The following CCDC146 variants were observed in gnomAD, a reference collection of about 807,000 sequenced individuals.
The protein encoded by CCDC146 is coiled-coil domain-containing protein 146.
In CCDC146, 92 loss-of-function variants were observed where a neutral mutation model predicts 119.3. The observed-to-expected ratio is 0.77, with a 90% CI of 0.65 to 0.92. The LOEUF (loss-of-function observed/expected upper bound fraction) is 0.92, where lower values mean the gene tolerates loss of function less well. Ranked by LOEUF, CCDC146 falls within the 40% of genes least tolerant of loss-of-function variation. CCDC146 has a pLI of 0.00. For synonymous variants in CCDC146, 372 were observed against 371.8 expected, an observed-to-expected ratio of 1.00 and a Z score of -0.01; for missense variants, 1,000 against 1,103.0, an observed-to-expected ratio of 0.91 and a Z score of 1.32.
chr7:77,275,451 AAGG>A (rs1441935165), intron 11 of CCDC146, among the ~76,000 whole-genome samples: 1 of 152,230 alleles, frequency 6.6e-6, no homozygotes, highest in Non-Finnish European at 1.5e-5. Context: ...TTAGATGGGA[AAGG>A]AGATCATTGA....
chr7:77,233,462 C>G (rs1484305525), intron 2 of CCDC146, among the ~76,000 whole-genome samples: 1 of 152,044 alleles, frequency 6.6e-6, no homozygotes, highest in Non-Finnish European at 1.5e-5. Context: ...TCCCACCCAC[C>G]CCCTGGATTG....
In CCDC146 at chr7:77,206,674, C is replaced by T. The variant is rs866728355; in HGVS notation, c.157-30273C>T. On this transcript the variant is annotated intron_variant, in intron 2 of 18. Coordinates refer to ENST00000285871, the MANE Select transcript of CCDC146 (RefSeq NM_020879.3). ...ATATATATATATATATATATATATA[C>T]ACACACACACACACACATACATATA... Among the ~76,000 whole-genome samples, 106 of 137,140 alleles carry T rather than the reference C, an allele frequency of 7.7e-4. 1 individual carries two copies. The highest frequency in any genetic ancestry group is 1.2e-3 in the Non-Finnish European group (71 of 61,512). 90.0% of individuals were successfully genotyped at this position (137,140 alleles called of 152,430 possible). A position where few individuals can be genotyped will look rare whatever the true frequency, so the allele number is the denominator to read the frequency against.
intron 3 of CCDC146, among the ~76,000 whole-genome samples, chr7:77,238,357 T>G (rs1201150464): frequency 6.6e-6 from 1 of 152,224 alleles, no homozygotes; most frequent in Admixed American, 6.5e-5. Flanking sequence ...TGCAGTTCTC[T>G]GGGCATCCCT....
chr7:77,283,918 G>A (rs1584146100), intron 15 of CCDC146, among the ~76,000 whole-genome samples: 2 of 152,206 alleles, frequency 1.3e-5, no homozygotes, highest in East Asian at 1.9e-4. Flanking sequence ...TTAGCCTTGA[G>A]TTCTTCCACT....
intron 2 of CCDC146, among the ~76,000 whole-genome samples, chr7:77,172,256 G>A (rs1791434077): frequency 1.3e-5 from 2 of 152,168 alleles, no homozygotes; most frequent in Non-Finnish European, 2.9e-5. Flanking sequence ...TAAAATTTAT[G>A]GGTCTCACAA....
chr7:77,122,925 T>C (rs1267175166), intron 1 of CCDC146, among the ~76,000 whole-genome samples, 193 bp downstream of exon 1: 2 of 151,678 alleles, frequency 1.3e-5, no homozygotes, highest in African/African-American at 4.8e-5. Flanking sequence ...CCCTCCTATA[T>C]TCCAAATATA....
intron 3 of CCDC146, among the ~76,000 whole-genome samples, chr7:77,238,199 A>C (rs950860634): frequency 6.6e-5 from 10 of 151,788 alleles, no homozygotes; most frequent in Non-Finnish European, 5.9e-5. Context: ...CCCCACACCT[A>C]ATGGAGGTTC....
intron 6 of CCDC146, among the ~76,000 whole-genome samples, 193 bp downstream of exon 6, chr7:77,256,702 G>A (rs971669024): frequency 6.6e-6 from 1 of 152,198 alleles, no homozygotes; most frequent in Non-Finnish European, 1.5e-5. Flanking sequence ...GTGTTTGGGA[G>A]TATCACTCGA....
At chr7:77,204,463 A>G (rs560636915) in intron 2 of CCDC146, among the ~76,000 whole-genome samples, 1 of 152,344 alleles carries the variant, frequency 6.6e-6, no homozygotes, top group African/African-American at 2.4e-5. Context: ...TTCAGACTAG[A>G]AGTCTTCCAA....
chr7:77,192,070 G>A (rs1791777040), intron 2 of CCDC146, among the ~76,000 whole-genome samples: 1 of 151,838 alleles, frequency 6.6e-6, no homozygotes, highest in Non-Finnish European at 1.5e-5. Flanking sequence ...GGGACTACAG[G>A]TGTGAGCCAC....
rs533836303 is a variant in CCDC146, at chr7:77,260,815, G to C, written c.986+579G>C. ...CTAATTTTTTTTTTTCTTCTCATTA[G>C]AGACAGGGTATCACCATGTTGGCCA... On this transcript the variant is annotated intron_variant, in intron 8 of 18. Coordinates refer to ENST00000285871, the MANE Select transcript of CCDC146 (RefSeq NM_020879.3). 7.2e-5 allele frequency among the ~76,000 whole-genome samples: 11 copies of C among 151,808 alleles called. No individual in the cohort carries two copies. The East Asian group carries it at 1.6e-3, about 21-fold the overall frequency.
chr7:77,124,791 T>C (rs1790669669), intron 1 of CCDC146, among the ~76,000 whole-genome samples: 4 of 152,214 alleles, frequency 2.6e-5, no homozygotes, highest in Admixed American at 2.0e-4. Context: ...GAAAAGCTTT[T>C]TCTATGACTC....
intron 2 of CCDC146, among the ~76,000 whole-genome samples, chr7:77,179,433 C>T (rs1791547372): frequency 6.6e-6 from 1 of 152,084 alleles, no homozygotes; most frequent in African/African-American, 2.4e-5. Flanking sequence ...AACATCTATG[C>T]ACAAAGAAGT....
At chr7:77,161,188 G>C (rs1313385805) in intron 1 of CCDC146, among the ~76,000 whole-genome samples, 2 of 152,128 alleles carry the variant, frequency 1.3e-5, no homozygotes, top group Non-Finnish European at 2.9e-5. Flanking sequence ...CACTGTTGGT[G>C]GGACTGTAAA....
intron 3 of CCDC146, among the ~76,000 whole-genome samples, chr7:77,238,316 C>CTTCA (rs1792777769): frequency 6.6e-6 from 1 of 152,178 alleles, no homozygotes; most frequent in East Asian, 1.9e-4. Flanking sequence ...TTACAACATA[C>CTTCA]TTCACACTGC....
At chr7:77,194,721 T>A (rs1791833173) in intron 2 of CCDC146, 1 of 152,116 alleles carries the variant, frequency 6.6e-6, no homozygotes. Context: ...TTAAAAAAAT[T>A]ATTTCTAGGA....
chr7:77,234,252 C>CTT (rs11286441), intron 2 of CCDC146, among the ~76,000 whole-genome samples: 10,021 of 147,402 alleles, frequency 0.068, 501 homozygotes, highest in Non-Finnish European at 0.096. Flanking sequence ...TTTGTAAAGG[C>CTT]TTTTTTTTTT....
chr7:77,194,854 A>G (rs1791835721), intron 2 of CCDC146: 1 of 152,154 alleles, frequency 6.6e-6, no homozygotes, highest in Non-Finnish European at 1.5e-5. Flanking sequence ...ACACATTTAA[A>G]AAGTCTTTTA....
chr7:77,282,510 G>C, intron 14 of CCDC146, 47 bp from the exon 15 acceptor site: 1 of 1,291,406 alleles, frequency 7.7e-7, no homozygotes, highest in Non-Finnish European at 1.1e-6. Flanking sequence ...CTAGTAAAAC[G>C]GTGGTCTCAA....
Sources: gnomAD v4.1 joint callset for allele counts (sites outside exome capture counted in the v4.1 genomes callset) on GRCh38, gnomAD v4.1.1 for gene constraint, MANE v1.5 for transcripts, NCBI Gene and HGNC (gene_info 2026-07-23, HGNC 2026-07-21) for gene names.